The following DPEP1 variants were observed in gnomAD, a reference collection of about 807,000 sequenced individuals.
The protein encoded by DPEP1 is dipeptidase 1, also known as beta-lactamase.
Under a neutral mutation model 42.3 loss-of-function variants are expected in DPEP1, and 50 were observed. That is an observed-to-expected ratio of 1.18 (90% CI 0.94 to 1.50). DPEP1 has a LOEUF of 1.50. Among genes scored for constraint, DPEP1 ranks in the 40% most tolerant of loss-of-function variants. The pLI is 0.00. For synonymous variants in DPEP1, 297 were observed against 234.0 expected (o/e 1.27, Z -2.46); for missense variants, 663 against 553.0 (o/e 1.20, Z -1.99).
Position 89,638,265 on chromosome 16 carries a change from G to A in DPEP1, c.*43G>A, listed in dbSNP as rs775705873. The A allele has an allele frequency of 3.8e-5, 56 of 1,484,466 alleles. 1 individual carries two copies. The Middle Eastern group carries it at 7.1e-4, about 19-fold the overall frequency. 92.0% of individuals were successfully genotyped at this position (1,484,466 alleles called of 1,614,324 possible). A position where few individuals can be genotyped will look rare whatever the true frequency, so the allele number is the denominator to read the frequency against. On this transcript the variant is annotated 3_prime_UTR_variant, in exon 11 of 11. Coordinates refer to ENST00000690203, the MANE Select transcript of DPEP1 (RefSeq NM_001389466.1). ...TCCCCTTTAGGGTTCCCGGAGCTCC[G>A]GGAAGACCCGCCCATCCCAGGACTC... is the stretch of plus-strand genomic sequence containing the variant.
chr16:89,627,089 G>C (rs1387844015), intron 1 of DPEP1, among the ~76,000 whole-genome samples: 1 of 150,536 alleles, frequency 6.6e-6, no homozygotes, highest in Non-Finnish European at 1.5e-5. Flanking sequence ...GTGAAAACTT[G>C]TCTCTACTAA....
intron 2 of DPEP1, among the ~76,000 whole-genome samples, chr16:89,635,655 G>A (rs1413924599): frequency 1.3e-5 from 2 of 152,228 alleles, no homozygotes; most frequent in African/African-American, 4.8e-5. Flanking sequence ...GGCCCTGGAA[G>A]GGATGGGCTA....
Position 89,624,817 on chromosome 16 carries a change from G to A in DPEP1, c.-106-5488G>A, listed in dbSNP as rs556645491. ...CCCAAAGTGCTGGGATGACAGGTGT[G>A]AGCCACCCCCTCGGCCAGTTTTCTG... is the stretch of plus-strand genomic sequence containing the variant. On this transcript the variant is annotated intron_variant, in intron 1 of 10. Coordinates refer to ENST00000690203, the MANE Select transcript of DPEP1 (RefSeq NM_001389466.1). Among the ~76,000 whole-genome samples the A allele has an allele frequency of 2.0e-5, 3 of 152,326 alleles. No individual in the cohort carries two copies. The East Asian group carries it at 5.8e-4, about 29-fold the overall frequency.
intron 1 of DPEP1, among the ~76,000 whole-genome samples, chr16:89,627,941 G>C (rs2059537558): frequency 6.6e-6 from 1 of 151,838 alleles, no homozygotes; most frequent in Admixed American, 6.6e-5. Flanking sequence ...GTTTGTTTTT[G>C]AGACGGAGTC....
intron 1 of DPEP1, among the ~76,000 whole-genome samples, chr16:89,628,024 G>A (rs1342984061): frequency 2.6e-5 from 4 of 151,918 alleles, no homozygotes; most frequent in African/African-American, 7.3e-5. Context: ...CCGGGTTCAT[G>A]CCATTCTCCT....
Position 89,637,648 on chromosome 16 carries a change from C to T in DPEP1, c.870C>T (p.Ile290=), listed in dbSNP as rs776771336. ...CCTGGACAGACCATCTGGATCACAT[C>T]AAGGAGGTGGCAGGAGCCAGAGCCG... ...LSQVADHLDH[I]KEVAGARAVG... Residue 290 remains isoleucine (I), a synonymous_variant, in exon 9 of 11, where the codon ATC becomes ATT. Coordinates refer to ENST00000690203, the MANE Select transcript of DPEP1 (RefSeq NM_001389466.1). 2 of 1,613,002 alleles carry T rather than the reference C, an allele frequency of 1.2e-6. No homozygotes were observed. The highest frequency in any genetic ancestry group is 2.2e-5 in the East Asian group (1 of 44,878).
At chr16:89,627,957 C>T (rs552074703) in intron 1 of DPEP1, among the ~76,000 whole-genome samples, 2 of 152,284 alleles carry the variant, frequency 1.3e-5, no homozygotes, top group African/African-American at 2.4e-5. Context: ...GAGTCTCGCT[C>T]TTTCGCCCAG....
intron 1 of DPEP1, among the ~76,000 whole-genome samples, chr16:89,625,685 A>G (rs1030452719): frequency 1.3e-5 from 2 of 152,148 alleles, no homozygotes; most frequent in Non-Finnish European, 2.9e-5. Context: ...AAGAAAGGCA[A>G]CTGGAAACTC....
Position 89,613,678 on chromosome 16 carries a change from C to T in DPEP1, c.-148C>T. On this transcript the variant is annotated 5_prime_UTR_variant, in exon 1 of 11. Transcript: ENST00000690203. The stretch of plus-strand genomic sequence containing the variant: ...GAGCCTGGCGTGGGAGCTGCCTAGG[C>T]CGGGCCCTGCCAGGGAGCAAGTCTG... The T allele has an allele frequency of 6.5e-6, 1 of 152,810 alleles. No homozygotes were observed. Among genetic ancestry groups the T allele is most frequent in the Non-Finnish European group, 1.5e-5 (1 of 68,344 alleles). The allele number at this position is 152,810 out of a possible 1,614,324, so 9.5% of individuals were successfully genotyped here. A position where few individuals can be genotyped will look rare whatever the true frequency, so the allele number is the denominator to read the frequency against.
At chr16:89,640,705 G>A, downstream of DPEP1, 3 of 915,234 alleles carry the variant, frequency 3.3e-6, no homozygotes, top group Non-Finnish European at 3.9e-6. Flanking sequence ...CTGGTGGGCT[G>A]CAAGGGTATT....
chr16:89,637,234 G>A lies in DPEP1; in HGVS notation c.622G>A (p.Val208Ile), dbSNP rs1279141578. 2 of 1,612,686 alleles carry A rather than the reference G, an allele frequency of 1.2e-6. No homozygotes were observed. Among genetic ancestry groups the A allele is most frequent in the Non-Finnish European group, 1.7e-6 (2 of 1,179,930 alleles). The change falls in exon 7 of 11, where the codon GTC becomes ATC. Residue 208 changes from valine to isoleucine, a missense_variant. Transcript: ENST00000690203. ...GGTGAAGGAGCTGAACCGTCTGGGG[G>A]TCCTCATCGACTTGGCTCACGTGTC... ...RVVKELNRLG[V>I]LIDLAHVSVA...
At chr16:89,616,418 G>A (rs2059379542) in intron 1 of DPEP1, among the ~76,000 whole-genome samples, 1 of 152,162 alleles carries the variant, frequency 6.6e-6, no homozygotes, top group Admixed American at 6.5e-5. Flanking sequence ...GAGACAGCGG[G>A]TGTGCTCGGG....
intron 1 of DPEP1, among the ~76,000 whole-genome samples, chr16:89,624,025 C>T (rs2059477141): frequency 6.6e-6 from 1 of 152,114 alleles, no homozygotes; most frequent in African/African-American, 2.4e-5. Flanking sequence ...GTGGTGCGGT[C>T]ACCTCCTGAG....
chr16:89,637,149 C>A, intron 6 of DPEP1, 55 bp from the exon 7 acceptor site: 1 of 1,579,336 alleles, frequency 6.3e-7, no homozygotes, highest in South Asian at 1.2e-5. Flanking sequence ...GCCCGTCCAC[C>A]TCCGCAGCCC....
Position 89,630,293 on chromosome 16 carries a change from C to T in DPEP1, c.-106-12C>T. 1 of 726,608 alleles carries T rather than the reference C, an allele frequency of 1.4e-6. No individual in the cohort carries two copies. Among genetic ancestry groups the T allele is most frequent in the African/African-American group, 1.8e-5 (1 of 54,388 alleles). 45.0% of individuals were successfully genotyped at this position (726,608 alleles called of 1,614,324 possible). A position where few individuals can be genotyped will look rare whatever the true frequency, so the allele number is the denominator to read the frequency against. On this transcript the variant is annotated splice_polypyrimidine_tract_variant and intron_variant, in intron 1 of 10. Transcript: ENST00000690203. ...TCACTTCCACCCACACCTCTGGTGC[C>T]TCTCCTGGCAGGCAGAGTGGCTCCT...
intron 1 of DPEP1, among the ~76,000 whole-genome samples, chr16:89,625,266 T>G (rs2151484888): frequency 6.6e-6 from 1 of 152,262 alleles, no homozygotes; most frequent in Admixed American, 6.5e-5. Context: ...TTGGCCTAAG[T>G]TCCCTGCCCC....
Position 89,637,707 on chromosome 16 carries a change from G to A in DPEP1, c.929G>A (p.Arg310Lys), listed in dbSNP as rs1440510624. 2 of 1,613,114 alleles carry A rather than the reference G, an allele frequency of 1.2e-6. No individual in the cohort carries two copies. The highest frequency in any genetic ancestry group is 2.2e-5 in the East Asian group (1 of 44,880). ...GFGGDFDGVP[R>K]VPEGLEDVSK... ...GGTGGGGACTTTGATGGTGTTCCAA[G>A]GTAAGGGGCTGAGAGCTCTGTCCTG... The change falls in exon 9 of 11, where the codon AGG becomes AAG. Residue 310 changes from arginine to lysine, a missense_variant and splice_region_variant. Transcript: ENST00000690203.
intron 1 of DPEP1, among the ~76,000 whole-genome samples, chr16:89,621,788 T>C (rs1394311150): frequency 6.6e-6 from 1 of 152,164 alleles, no homozygotes; most frequent in African/African-American, 2.4e-5. Context: ...AGTCTGCACA[T>C]GTCTGTTCTA....
Position 89,630,325 on chromosome 16 carries a change from C to A in DPEP1, c.-86C>A. The A allele has an allele frequency of 8.8e-7, 1 of 1,134,524 alleles. No individual in the cohort carries two copies. The highest frequency in any genetic ancestry group is 1.3e-6 in the Non-Finnish European group (1 of 775,254). The allele number at this position is 1,134,524 out of a possible 1,614,324, so 70.3% of individuals were successfully genotyped here. On this transcript the variant is annotated 5_prime_UTR_variant, in exon 2 of 11. In the 5' UTR this introduces an upstream ATG that the reference lacks. Coordinates refer to ENST00000690203, the MANE Select transcript of DPEP1 (RefSeq NM_001389466.1). Reference sequence around the variant, plus strand: ...GGCAGGCAGAGTGGCTCCTCACAGCCTGAAGCTCATCCTTCTGCACGGGCC... The same window carrying A: ...GGCAGGCAGAGTGGCTCCTCACAGCATGAAGCTCATCCTTCTGCACGGGCC...
Sources: allele counts gnomAD v4.1 joint callset (sites outside exome capture counted in the v4.1 genomes callset), GRCh38; gene constraint gnomAD v4.1.1; transcripts MANE v1.5; gene names NCBI Gene and HGNC (gene_info 2026-07-23, HGNC 2026-07-21).